Variants in COL9A1 observed in about 807,000 individuals in gnomAD.
COL9A1 encodes collagen type IX alpha 1 chain.
COL9A1 carries 104 observed loss-of-function variants against 142.6 expected under a neutral mutation model. The observed-to-expected ratio is 0.73, with a 90% CI of 0.62 to 0.86. The LOEUF (loss-of-function observed/expected upper bound fraction) is 0.86. Ranked by LOEUF, COL9A1 falls within the 40% of genes least tolerant of loss-of-function variation. The pLI is 0.00. For missense variants in COL9A1, 1,210 were observed against 1,176.6 expected (o/e 1.03, Z -0.42); for synonymous variants, 466 against 396.0 (o/e 1.18, Z -2.10).
At chr6:70,251,657 G>C (rs1196651588) in intron 28 of COL9A1, among the ~76,000 whole-genome samples, 2 of 152,242 alleles carry the variant, frequency 1.3e-5, no homozygotes, top group African/African-American at 2.4e-5. Flanking sequence ...AAGTGGATTA[G>C]TGGTTGTCTA....
At chr6:70,215,765 A>C (rs1413652974), downstream of COL9A1, 1 of 152,186 alleles carries the variant, frequency 6.6e-6, no homozygotes, top group African/African-American at 2.4e-5. Context: ...GTGGTTCTTA[A>C]CCTAGAAATA....
chr6:70,238,302 A>G (rs1770038895), intron 33 of COL9A1, among the ~76,000 whole-genome samples: 1 of 152,140 alleles, frequency 6.6e-6, no homozygotes, highest in Admixed American at 6.5e-5. Context: ...TTTTCTCCTC[A>G]ACCTTTCTTA....
chr6:70,260,333 G>A (rs189391036), intron 20 of COL9A1, among the ~76,000 whole-genome samples: 14 of 152,066 alleles, frequency 9.2e-5, no homozygotes, highest in Admixed American at 7.2e-4. Context: ...CCTGAGGTCC[G>A]GAGTTCAGGA....
intron 4 of COL9A1, 74 bp from the exon 5 acceptor site, chr6:70,294,637 G>T: frequency 6.8e-7 from 1 of 1,463,346 alleles, no homozygotes. Flanking sequence ...ATTCCCTTTT[G>T]AGGCCATTTT....
chr6:70,234,972 G>A (rs1308934712), intron 33 of COL9A1, 32 bp from the exon 34 acceptor site: 1 of 1,613,960 alleles, frequency 6.2e-7, no homozygotes, highest in Non-Finnish European at 8.5e-7. Flanking sequence ...TCAAACCAGG[G>A]CTAAGCATAA....
At chr6:70,244,194 T>C (rs1421627192) in intron 28 of COL9A1, among the ~76,000 whole-genome samples, 1 of 152,228 alleles carries the variant, frequency 6.6e-6, no homozygotes, top group Non-Finnish European at 1.5e-5. Flanking sequence ...TTAAACTAAA[T>C]GCTTTTAAAC....
In COL9A1 at chr6:70,300,127, C is replaced by T. The variant is rs770948668; in HGVS notation, c.215G>A (p.Arg72Lys). 2 of 1,613,544 alleles carry T rather than the reference C, an allele frequency of 1.2e-6. No individual in the cohort carries two copies. The highest frequency in any genetic ancestry group is 1.7e-6 in the Non-Finnish European group (2 of 1,179,732). The change falls in exon 4 of 38, where the codon AGA becomes AAA. Residue 72 changes from arginine (R) to lysine (K), a missense_variant. Physicochemically the swap from Arg to Lys is conservative, Grantham distance 26. Transcript: ENST00000357250. ...TGATCCCACTACTCTCTGGATAGCT[C>T]TTCTAGATGCTGCTTTATCTACCTG... is the stretch of plus-strand genomic sequence containing the variant. ...QFQVDKAASRRAIQRVVGSAT... is the reference protein window; with the variant it reads ...QFQVDKAASRKAIQRVVGSAT...
chr6:70,276,751 G>A (rs1772791025), intron 10 of COL9A1, among the ~76,000 whole-genome samples: 1 of 152,136 alleles, frequency 6.6e-6, no homozygotes, highest in Non-Finnish European at 1.5e-5. Context: ...AGTTTAAGGA[G>A]GCCTTCCAGG....
intron 6 of COL9A1, chr6:70,283,177 G>A: frequency 6.7e-7 from 1 of 1,498,088 alleles, no homozygotes; most frequent in South Asian, 1.3e-5. Context: ...GGGAGTAGCG[G>A]TTGCCAAAGC....
chr6:70,283,779 C>A lies in COL9A1; in HGVS notation c.738G>T (p.Arg246=), dbSNP rs1773322527. ...QWMLIHCDPL[R]PRRETCHELP... The stretch of plus-strand genomic sequence containing the variant: ...GCTCATGGCAAGTTTCTCTCCTGGG[C>A]CGCAGGGGGTCACAATGGATCAGCA... Residue 246 remains arginine, a synonymous_variant, in exon 6 of 38, where the codon CGG becomes CGT. Coordinates refer to ENST00000357250, the MANE Select transcript of COL9A1 (RefSeq NM_001851.6). 1 of 1,611,582 alleles carries A rather than the reference C, an allele frequency of 6.2e-7. No individual in the cohort carries two copies. The highest frequency in any genetic ancestry group is 8.5e-7 in the Non-Finnish European group (1 of 1,178,986).
chr6:70,247,055 C>G (rs577386312), intron 28 of COL9A1, among the ~76,000 whole-genome samples: 1 of 152,250 alleles, frequency 6.6e-6, no homozygotes, highest in East Asian at 1.9e-4. Flanking sequence ...GAGGTAATTA[C>G]TAAAGAAATC....
intron 26 of COL9A1, 86 bp downstream of exon 26, chr6:70,253,299 T>G: frequency 1.1e-6 from 1 of 938,428 alleles, no homozygotes; most frequent in South Asian, 1.5e-5. Context: ...ATAAAACACA[T>G]GCTGAAAATA....
At chr6:70,247,418 A>G (rs1410818869) in intron 28 of COL9A1, among the ~76,000 whole-genome samples, 1 of 152,230 alleles carries the variant, frequency 6.6e-6, no homozygotes, top group Non-Finnish European at 1.5e-5. Context: ...ATTTTATTCC[A>G]TCATGCTCTA....
At chr6:70,294,652 GC>G in intron 4 of COL9A1, 89 bp from the exon 5 acceptor site, 1 of 1,242,278 alleles carries the variant, frequency 8.0e-7, no homozygotes, top group Non-Finnish European at 1.2e-6. Flanking sequence ...CATTTTAGAT[GC>G]CAGACCTATA....
intron 36 of COL9A1, among the ~76,000 whole-genome samples, chr6:70,226,300 A>G (rs1383494273): frequency 6.6e-6 from 1 of 152,176 alleles, no homozygotes; most frequent in African/African-American, 2.4e-5. Flanking sequence ...CACTTCCTAA[A>G]CACGAAAAAT....
chr6:70,269,183 A>G (rs1394080727), intron 16 of COL9A1, among the ~76,000 whole-genome samples: 1 of 152,180 alleles, frequency 6.6e-6, no homozygotes, highest in Non-Finnish European at 1.5e-5. Flanking sequence ...TTTACAGATA[A>G]CCTATTGTAC....
Position 70,254,483 on chromosome 6 carries a change from C to T in COL9A1, c.1712G>A (p.Gly571Glu). 3.1e-6 allele frequency: 5 copies of T among 1,613,964 alleles called. No individual in the cohort carries two copies. The highest frequency in any genetic ancestry group is 4.2e-6 in the Non-Finnish European group (5 of 1,179,944). Residue 571 changes from glycine to glutamate, a missense_variant, in exon 25 of 38, where the codon GGG becomes GAG. Coordinates refer to ENST00000357250, the MANE Select transcript of COL9A1 (RefSeq NM_001851.6). ...PGPPGDAGLQ[G>E]LPGVPGIPGA... The stretch of plus-strand genomic sequence containing the variant: ...AAAGAATCAAATACTTACTGGTAAC[C>T]CCTGCAATCCTGCATCACCAGGAGG...
chr6:70,283,065 C>G, intron 6 of COL9A1, 147 bp from the exon 7 acceptor site: 1 of 1,587,984 alleles, frequency 6.3e-7, no homozygotes, highest in Non-Finnish European at 8.5e-7. Context: ...CCGCCGCCCG[C>G]CGCTAATCCC....
At chr6:70,252,759 C>T (rs1231725298) in intron 26 of COL9A1, among the ~76,000 whole-genome samples, 1 of 152,156 alleles carries the variant, frequency 6.6e-6, no homozygotes, top group Non-Finnish European at 1.5e-5. Context: ...CGTCAGCAAG[C>T]TCTAGGGAAA....
Sources: allele counts gnomAD v4.1 joint callset (sites outside exome capture counted in the v4.1 genomes callset), GRCh38; gene constraint gnomAD v4.1.1; transcripts MANE v1.5; gene names NCBI Gene and HGNC (gene_info 2026-07-23, HGNC 2026-07-21).